The following CCDC30 variants were observed in gnomAD, a reference collection of about 807,000 sequenced individuals.
CCDC30 encodes coiled-coil domain containing 30.
In CCDC30, 70 loss-of-function variants were observed where a neutral mutation model predicts 100.2. The observed-to-expected ratio is 0.70, with a 90% confidence interval of 0.58 to 0.85. CCDC30 has a LOEUF of 0.85. CCDC30 is among the 40% of genes least tolerant of loss of function. The pLI, the probability that CCDC30 is intolerant of heterozygous loss-of-function variation, is 0.00. For missense variants in CCDC30, 652 were observed against 771.2 expected, an observed-to-expected ratio of 0.85 and a Z score of 1.83; for synonymous variants, 233 against 269.5, an observed-to-expected ratio of 0.86 and a Z score of 1.33.
At chr1:42,491,479 AGTGGGAG>A (rs1313612011) in intron 4 of CCDC30, among the ~76,000 whole-genome samples, 33 of 150,712 alleles carry the variant, frequency 2.2e-4, no homozygotes, top group Middle Eastern at 3.4e-3. Flanking sequence ...GGGCAGTTTC[AGTGGGAG>A]GTGGGGAATG....
upstream of CCDC30, chr1:42,459,114 C>T (rs986361980): frequency 2.6e-5 from 4 of 151,278 alleles, no homozygotes; most frequent in African/African-American, 9.8e-5. Context: ...ATGTATGGAG[C>T]CTTGAATTTA....
chr1:42,518,099 A>G (rs552286410), intron 6 of CCDC30, among the ~76,000 whole-genome samples: 105 of 152,312 alleles, frequency 6.9e-4, no homozygotes, highest in African/African-American at 2.5e-3. Context: ...CCAATCATGA[A>G]CATGAATGTC....
chr1:42,605,160 A>G (rs1430290094), intron 10 of CCDC30, among the ~76,000 whole-genome samples: 1 of 152,210 alleles, frequency 6.6e-6, no homozygotes, highest in Non-Finnish European at 1.5e-5. Flanking sequence ...GACACTGTGT[A>G]GTACCATCAT....
At chr1:42,619,119 G>A (rs1646782193) in intron 11 of CCDC30, among the ~76,000 whole-genome samples, 1 of 152,168 alleles carries the variant, frequency 6.6e-6, no homozygotes, top group Non-Finnish European at 1.5e-5. Flanking sequence ...AACCCCAGCA[G>A]TCAATCACTC....
At chr1:42,464,824 G>T (rs1643517296) in intron 1 of CCDC30, among the ~76,000 whole-genome samples, 1 of 152,210 alleles carries the variant, frequency 6.6e-6, no homozygotes, top group South Asian at 2.1e-4. Context: ...GGGCTACAAT[G>T]ATTTGGATAT....
rs1041832800 is a variant in CCDC30, at chr1:42,588,531, G to T, written c.1002-790G>T. ...GGGACAGTAACTCATTAGGGAGAGT[G>T]AAGGGACCCTGGAGACAAAAATTAA... On this transcript the variant is annotated intron_variant, in intron 9 of 16. Coordinates refer to ENST00000668663, the Ensembl canonical transcript of CCDC30. Among the ~76,000 whole-genome samples the T allele has an allele frequency of 2.6e-5, 4 of 152,290 alleles. No individual in the cohort carries two copies. The South Asian group carries it at 8.3e-4, about 32-fold the overall frequency.
rs563081513 is a variant in CCDC30 at position 42,600,541 on chromosome 1, T to C, written c.1165-10437T>C. On this transcript the variant is annotated intron_variant, in intron 10 of 16. Transcript: ENST00000668663. ...GGAATGTTAATCAAGAGAGACCACA[T>C]TCTGGGCCATAAAACACAAATTAAC... 2.0e-4 allele frequency among the ~76,000 whole-genome samples: 30 copies of C among 152,282 alleles called. No homozygotes were observed. The South Asian group carries it at 5.2e-3, about 26-fold the overall frequency.
At chr1:42,539,112 A>G in intron 6 of CCDC30, 61 bp from the exon 8 acceptor site, 1 of 1,294,674 alleles carries the variant, frequency 7.7e-7, no homozygotes, top group African/African-American at 1.5e-5. Flanking sequence ...AAAATATTAT[A>G]TCTTTTATGG....
rs115332529 is a variant in CCDC30, at chr1:42,553,335, C to T, written c.457-12961C>T. ...ATGTCGTTCCTTGGGTCTTGAGTTC[C>T]CTAGCTGGTCTGCCTTCTTCTTTCC... On this transcript the variant is annotated intron_variant, in intron 6 of 16. Coordinates refer to ENST00000668663, the Ensembl canonical transcript of CCDC30. Among the ~76,000 whole-genome samples, 1,204 of 151,908 alleles carry T rather than the reference C, an allele frequency of 7.9e-3. 21 individuals carry two copies. The highest frequency in any genetic ancestry group is 0.027 in the African/African-American group (1,127 of 41,456).
chr1:42,476,902 T>G (rs1643889441), intron 1 of CCDC30, among the ~76,000 whole-genome samples: 1 of 150,376 alleles, frequency 6.6e-6, no homozygotes, highest in Non-Finnish European at 1.5e-5. Flanking sequence ...TTTGTTTTTT[T>G]TTTTTGCCTA....
At chr1:42,623,099 GTTGT>G (rs1337517314) in intron 11 of CCDC30, among the ~76,000 whole-genome samples, 1 of 152,028 alleles carries the variant, frequency 6.6e-6, no homozygotes, top group African/African-American at 2.4e-5. Flanking sequence ...TTCCTACATA[GTTGT>G]TTGAGTTCCT....
At chr1:42,457,201 T>C in the CCDC30 span, 1 of 1,612,474 alleles carries the variant, frequency 6.2e-7, no homozygotes, top group Non-Finnish European at 8.5e-7. Flanking sequence ...GCTGATCCTA[T>C]ATCGTACCTC....
chr1:42,537,794 A>AC (rs1332176606), intron 6 of CCDC30: 1 of 156,878 alleles, frequency 6.4e-6, no homozygotes, highest in South Asian at 1.9e-4. Context: ...ACATGGAGAA[A>AC]CCCCATCTCT....
chr1:42,591,213 C>G (rs1338864532), intron 10 of CCDC30: 2 of 152,186 alleles, frequency 1.3e-5, no homozygotes, highest in African/African-American at 4.8e-5. Flanking sequence ...TAAATGGGAG[C>G]CAAGTGCTAG....
At chr1:42,645,630 CAG>C (rs1246439379) in intron 14 of CCDC30, among the ~76,000 whole-genome samples, 1 of 152,004 alleles carries the variant, frequency 6.6e-6, no homozygotes, top group Non-Finnish European at 1.5e-5. Flanking sequence ...TGTTTGGTCT[CAG>C]AGAGGTGATT....
intron 6 of CCDC30, among the ~76,000 whole-genome samples, chr1:42,499,816 G>A (rs866022317): frequency 5.4e-5 from 8 of 148,890 alleles, no homozygotes; most frequent in Admixed American, 2.0e-4. Flanking sequence ...TTTTATTTGC[G>A]TATTTAAAAT....
intron 6 of CCDC30, among the ~76,000 whole-genome samples, chr1:42,562,804 G>GAC (rs1645519722): frequency 6.6e-6 from 1 of 152,170 alleles, no homozygotes; most frequent in Non-Finnish European, 1.5e-5. Flanking sequence ...GATATGAACA[G>GAC]ACACTTCTCA....
intron 11 of CCDC30, among the ~76,000 whole-genome samples, chr1:42,625,832 T>C (rs1646923091): frequency 6.6e-6 from 1 of 152,142 alleles, no homozygotes; most frequent in Non-Finnish European, 1.5e-5. Context: ...TCTACAGCCA[T>C]TGGATGAAAT....
intron 4 of CCDC30, chr1:42,492,040 G>C: frequency 4.1e-6 from 2 of 486,316 alleles, no homozygotes; most frequent in Non-Finnish European, 7.6e-6. Flanking sequence ...CCAGGGCATG[G>C]ATTTACCCCT....
Sources: allele counts gnomAD v4.1 joint callset (sites outside exome capture counted in the v4.1 genomes callset), GRCh38; gene constraint gnomAD v4.1.1; transcripts MANE v1.5; gene names NCBI Gene and HGNC (gene_info 2026-07-23, HGNC 2026-07-21).